Variants in SLC24A2 observed in about 807,000 individuals in gnomAD.
SLC24A2 encodes the protein solute carrier family 24 member 2.
SLC24A2 carries 36 observed loss-of-function variants against 62.0 expected under a neutral mutation model. The ratio of observed to expected loss-of-function variants is 0.58; its 90% CI spans 0.44 to 0.77. The LOEUF is 0.77. SLC24A2 is among the 30% of genes least tolerant of loss of function. SLC24A2 has a pLI of 0.00. For synonymous variants in SLC24A2, 358 were observed against 294.0 expected (o/e 1.22, Z -2.23); for missense variants, 846 against 817.9 (o/e 1.03, Z -0.42).
At chr9:20,264,293 T>C in the SLC24A2 span, among the ~76,000 whole-genome samples, 1 of 152,194 alleles carries the variant, frequency 6.6e-6, no homozygotes, top group African/African-American at 2.4e-5. Context: ...ATTACATGAG[T>C]TCCTGCTTGT....
chr9:19,853,893 T>A, the SLC24A2 span, among the ~76,000 whole-genome samples: 6 of 152,330 alleles, frequency 3.9e-5, no homozygotes, highest in African/African-American at 1.4e-4. Context: ...TCAGCTCCTC[T>A]TTGTACTTCT....
rs1376162167 is a variant in SLC24A2 at position 19,550,122 on chromosome 9, A to G, written c.1479+15T>C. On this transcript the variant is annotated intron_variant, in intron 8 of 10. Coordinates refer to ENST00000341998, the MANE Select transcript of SLC24A2 (RefSeq NM_020344.4). ...ATGTTTTACAAGGGAACTATTTTTA[A>G]AATGCTTTACTTACAGGTTTGCGAA... is the stretch of plus-strand genomic sequence containing the variant. 7 of 1,612,774 alleles carry G rather than the reference A, an allele frequency of 4.3e-6. No individual in the cohort carries two copies. Among genetic ancestry groups the G allele is most frequent in the Non-Finnish European group, 5.9e-6 (7 of 1,179,140 alleles).
At chr9:20,056,688 G>C in the SLC24A2 span, among the ~76,000 whole-genome samples, 371 of 152,210 alleles carry the variant, frequency 2.4e-3, 1 homozygote, top group Admixed American at 4.7e-3. Context: ...CAAAGCAAGG[G>C]CATATGACCT....
chr9:20,094,730 A>T, the SLC24A2 span, among the ~76,000 whole-genome samples: 1 of 152,202 alleles, frequency 6.6e-6, no homozygotes, highest in Admixed American at 6.5e-5. Context: ...AAATTTGTAT[A>T]ACTAAATGTG....
intron 9 of SLC24A2, among the ~76,000 whole-genome samples, chr9:19,525,436 C>A (rs1014878149): frequency 1.8e-5 from 2 of 111,380 alleles, no homozygotes; most frequent in Non-Finnish European, 3.3e-5. Context: ...CAGGGTCTTA[C>A]TCTGCCACCC....
At chr9:20,127,978 C>A in the SLC24A2 span, among the ~76,000 whole-genome samples, 1 of 152,014 alleles carries the variant, frequency 6.6e-6, no homozygotes, top group South Asian at 2.1e-4. Flanking sequence ...CAAAATCAAC[C>A]AATGCCTACT....
the SLC24A2 span, among the ~76,000 whole-genome samples, chr9:20,093,767 G>A: frequency 6.6e-6 from 1 of 152,134 alleles, no homozygotes; most frequent in Non-Finnish European, 1.5e-5. Context: ...ACAATAGGGT[G>A]ACAATGGTGA....
intron 2 of SLC24A2, among the ~76,000 whole-genome samples, chr9:19,679,505 T>C (rs1473479524): frequency 6.6e-6 from 1 of 152,132 alleles, no homozygotes; most frequent in Non-Finnish European, 1.5e-5. Flanking sequence ...TCTGGGTGTG[T>C]CTGTGAAGGG....
chr9:19,646,754 G>A (rs981037076), intron 2 of SLC24A2, among the ~76,000 whole-genome samples: 2 of 152,002 alleles, frequency 1.3e-5, no homozygotes, highest in African/African-American at 4.8e-5. Flanking sequence ...AAGTTTTCGT[G>A]GCTTTTACAG....
At chr9:19,586,974 G>A (rs984690644) in intron 5 of SLC24A2, among the ~76,000 whole-genome samples, 3 of 152,082 alleles carry the variant, frequency 2.0e-5, no homozygotes, top group African/African-American at 4.8e-5. Flanking sequence ...AGAGGTAAAC[G>A]AATGAAGAAT....
At chr9:20,281,126 C>T in the SLC24A2 span, among the ~76,000 whole-genome samples, 3 of 152,024 alleles carry the variant, frequency 2.0e-5, no homozygotes, top group African/African-American at 7.3e-5. Flanking sequence ...GACAGGGTTT[C>T]ACCATCTTGC....
the SLC24A2 span, among the ~76,000 whole-genome samples, chr9:19,939,762 T>C: frequency 6.6e-6 from 1 of 152,202 alleles, no homozygotes; most frequent in East Asian, 1.9e-4. Context: ...CTACAAGTGG[T>C]CTGTTGTTGA....
the SLC24A2 span, among the ~76,000 whole-genome samples, chr9:19,935,179 C>G: frequency 6.6e-6 from 1 of 151,438 alleles, no homozygotes; most frequent in Non-Finnish European, 1.5e-5. Flanking sequence ...AAAAATAGAT[C>G]CCCCAGCTTC....
intron 2 of SLC24A2, among the ~76,000 whole-genome samples, chr9:19,719,765 AG>A (rs1186580427): frequency 1.3e-5 from 2 of 152,228 alleles, no homozygotes; most frequent in Non-Finnish European, 2.9e-5. Context: ...ATGTCTGAGA[AG>A]GTTTTTATCT....
chr9:20,161,786 A>AC, the SLC24A2 span, among the ~76,000 whole-genome samples: 4 of 150,730 alleles, frequency 2.7e-5, no homozygotes, highest in African/African-American at 9.7e-5. Flanking sequence ...ACACACACAC[A>AC]AACATCATAC....
At chr9:19,943,118 C>T in the SLC24A2 span, among the ~76,000 whole-genome samples, 1 of 152,114 alleles carries the variant, frequency 6.6e-6, no homozygotes, top group East Asian at 1.9e-4. Context: ...TGACATTTAC[C>T]TGATAATGCT....
chr9:20,069,358 T>C, the SLC24A2 span, among the ~76,000 whole-genome samples: 1 of 152,222 alleles, frequency 6.6e-6, no homozygotes, highest in African/African-American at 2.4e-5. Context: ...CTTTCAGTAA[T>C]CTTCCCGTGA....
chr9:20,268,313 A>G, the SLC24A2 span, among the ~76,000 whole-genome samples: 1 of 152,108 alleles, frequency 6.6e-6, no homozygotes, highest in Non-Finnish European at 1.5e-5. Context: ...TATGGTTTGA[A>G]TGTCTCCTCC....
intron 5 of SLC24A2, 125 bp from the exon 6 acceptor site, chr9:19,577,147 C>T (rs758237770): frequency 7.6e-6 from 6 of 788,840 alleles, no homozygotes; most frequent in African/African-American, 1.7e-5. Context: ...TCTGTCCAAC[C>T]CCAATGCACC....
Sources: allele counts gnomAD v4.1 joint callset (sites outside exome capture counted in the v4.1 genomes callset), GRCh38; gene constraint gnomAD v4.1.1; transcripts MANE v1.5; gene names NCBI Gene and HGNC (gene_info 2026-07-23, HGNC 2026-07-21).